ATP2C1: variants seen among roughly 807,000 people sequenced by gnomAD.
The protein encoded by ATP2C1 is ATPase secretory pathway Ca2+ transporting 1.
A neutral mutation model predicts 120.5 loss-of-function variants in ATP2C1; 31 were observed. The ratio of observed to expected loss-of-function variants is 0.26; its 90% confidence interval spans 0.19 to 0.35. ATP2C1 has a LOEUF of 0.35. Among genes scored for constraint, ATP2C1 ranks in the 10% least tolerant of loss-of-function variants. The pLI, the probability that ATP2C1 is intolerant of heterozygous loss-of-function variation, is 1.00. For synonymous variants in ATP2C1, 351 were observed against 358.7 expected, an observed-to-expected ratio of 0.98 and a Z score of 0.24; for missense variants, 731 against 1,107.5, an observed-to-expected ratio of 0.66 and a Z score of 4.83.
At chr3:130,867,296 G>C (rs561548733) in intron 1 of ATP2C1, among the ~76,000 whole-genome samples, 3,253 of 134,882 alleles carry the variant, frequency 0.024, 153 homozygotes, top group African/African-American at 0.088. Flanking sequence ...AGAAATGATT[G>C]TCCCTCTCCC....
At chr3:130,975,559 G>A in intron 18 of ATP2C1, 71 bp downstream of exon 18, 1 of 1,515,870 alleles carries the variant, frequency 6.6e-7, no homozygotes. Context: ...ATGAATTCAT[G>A]CTTCACATTT....
intron 1 of ATP2C1, among the ~76,000 whole-genome samples, chr3:130,863,201 T>C (rs1466558312): frequency 6.6e-6 from 1 of 152,190 alleles, no homozygotes; most frequent in African/African-American, 2.4e-5. Context: ...CCCAAACTCA[T>C]TGAATGAAGT....
intron 16 of ATP2C1, 60 bp downstream of exon 16, chr3:130,967,479 G>A: frequency 2.2e-6 from 3 of 1,386,694 alleles, no homozygotes; most frequent in South Asian, 2.3e-5. Flanking sequence ...ACAGAATGCA[G>A]TGTCATCAAT....
In ATP2C1 at chr3:131,002,067, A is replaced by G; in HGVS notation, c.*717A>G. 1 of 985,666 alleles carries G rather than the reference A, an allele frequency of 1.0e-6. No homozygotes were observed. The highest frequency in any genetic ancestry group is 1.7e-5 in the African/African-American group (1 of 57,360). The allele number at this position is 985,666 out of a possible 1,614,324, so 61.1% of individuals were successfully genotyped here. On this transcript the variant is annotated 3_prime_UTR_variant, in exon 28 of 28. Transcript: ENST00000510168. ...GGTTTGGCAGAATTCATGCAGGGCT[A>G]TCAAGTGGTGTTCTAGGGTAACAGT...
intron 1 of ATP2C1, among the ~76,000 whole-genome samples, chr3:130,859,419 G>A (rs2067946447): frequency 6.6e-6 from 1 of 152,214 alleles, no homozygotes. Flanking sequence ...CTAATCCATA[G>A]TTTGTAAGTT....
In ATP2C1 at chr3:130,997,763, C is replaced by G. The variant is rs1195434847; in HGVS notation, c.2391+10C>G. On this transcript the variant is annotated intron_variant, in intron 25 of 27. Transcript: ENST00000510168. ...TGTCTTCTGGCGTGAGGTATATTCA[C>G]TGGCCAAGCTGCTATATTAACATGA... is the stretch of plus-strand genomic sequence containing the variant. The G allele has an allele frequency of 1.2e-6, 2 of 1,612,700 alleles. No individual in the cohort carries two copies. The highest frequency in any genetic ancestry group is 1.7e-6 in the Non-Finnish European group (2 of 1,179,288).
At chr3:130,882,170 G>A (rs2068804775) in intron 1 of ATP2C1, among the ~76,000 whole-genome samples, 4 of 151,424 alleles carry the variant, frequency 2.6e-5, no homozygotes, top group Admixed American at 2.6e-4. Context: ...CCCATTCAGG[G>A]TAATACTAGC....
intron 2 of ATP2C1, chr3:130,918,347 C>T (rs2058780759): frequency 3.2e-6 from 5 of 1,552,772 alleles, no homozygotes; most frequent in Non-Finnish European, 4.4e-6. Context: ...ATTCAAGACT[C>T]TTCCCACACT....
intron 2 of ATP2C1, among the ~76,000 whole-genome samples, chr3:130,913,599 G>T (rs1213200933): frequency 1.3e-5 from 2 of 152,148 alleles, no homozygotes; most frequent in Non-Finnish European, 2.9e-5. Context: ...AAAATCTGCT[G>T]TATTTATTTA....
chr3:130,965,564 C>T (rs532626352), intron 14 of ATP2C1, among the ~76,000 whole-genome samples: 3 of 152,184 alleles, frequency 2.0e-5, no homozygotes, highest in Non-Finnish European at 4.4e-5. Flanking sequence ...TGTTCTGTCC[C>T]TTATTTTCTC....
chr3:130,855,300 T>C (rs2067801386), intron 1 of ATP2C1, among the ~76,000 whole-genome samples: 1 of 152,228 alleles, frequency 6.6e-6, no homozygotes, highest in Admixed American at 6.5e-5. Flanking sequence ...TTTTGTTTGC[T>C]AGTTTAGTCC....
intron 20 of ATP2C1, among the ~76,000 whole-genome samples, chr3:130,989,668 A>G (rs1444516083): frequency 6.6e-6 from 1 of 151,290 alleles, no homozygotes; most frequent in South Asian, 2.1e-4. Flanking sequence ...CTTTTGCTTC[A>G]ATAAGTTTGT....
At chr3:130,853,823 C>A (rs1486262059) in intron 1 of ATP2C1, among the ~76,000 whole-genome samples, 1 of 152,168 alleles carries the variant, frequency 6.6e-6, no homozygotes, top group East Asian at 1.9e-4. Context: ...CATACTGGAG[C>A]CTGGCAGATA....
At chr3:130,873,705 T>C (rs1225190481) in intron 1 of ATP2C1, among the ~76,000 whole-genome samples, 6 of 152,224 alleles carry the variant, frequency 3.9e-5, no homozygotes, top group African/African-American at 1.4e-4. Context: ...TAAATATTTT[T>C]GCCTAGCTTT....
chr3:130,941,058 G>A (rs1313783437), intron 7 of ATP2C1, among the ~76,000 whole-genome samples: 1 of 151,778 alleles, frequency 6.6e-6, no homozygotes, highest in Non-Finnish European at 1.5e-5. Flanking sequence ...GGGACTACAG[G>A]TGCCTGCCAC....
Position 131,002,827 on chromosome 3 carries a change from C to T in ATP2C1, c.*1477C>T, listed in dbSNP as rs2062953244. On this transcript the variant is annotated 3_prime_UTR_variant, in exon 28 of 28. Transcript: ENST00000510168. ...ATATCTATTCTTTGAGTCATTGTTACTGAGGCAGTTGAGTGTAAGGAGCTG... is the reference window on the plus strand; with the variant it reads ...ATATCTATTCTTTGAGTCATTGTTATTGAGGCAGTTGAGTGTAAGGAGCTG... 2 of 985,708 alleles carry T rather than the reference C, an allele frequency of 2.0e-6. No individual in the cohort carries two copies. Among genetic ancestry groups the T allele is most frequent in the Non-Finnish European group, 2.4e-6 (2 of 829,892 alleles). The allele number at this position is 985,708 out of a possible 1,614,324, so 61.1% of individuals were successfully genotyped here.
Position 131,003,121 on chromosome 3 carries a change from T to G in ATP2C1, c.*1771T>G. 1 of 982,742 alleles carries G rather than the reference T, an allele frequency of 1.0e-6. No individual in the cohort carries two copies. Among genetic ancestry groups the G allele is most frequent in the Non-Finnish European group, 1.2e-6 (1 of 827,070 alleles). 60.9% of individuals were successfully genotyped at this position (982,742 alleles called of 1,614,324 possible). On this transcript the variant is annotated 3_prime_UTR_variant, in exon 28 of 28. Coordinates refer to ENST00000510168, the MANE Select transcript of ATP2C1 (RefSeq NM_001378687.1). ...GCCTATACATTCATTTGCTTTGTAC[T>G]ATAAAAATAAAAATGATTTCTTAAG...
chr3:130,998,365 C>G lies in ATP2C1; in HGVS notation c.2463C>G (p.Phe821Leu). ...CATGCTTTGTGTTTTTTGACATGTT[C>G]AATGCACTAAGTTCCAGATCCCAGG... ...TFTCFVFFDM[F>L]NALSSRSQTK... Residue 821 changes from phenylalanine (F) to leucine (L), a missense_variant, in exon 26 of 28, where the codon TTC (phenylalanine) becomes TTG (leucine). Transcript: ENST00000510168. The G allele has an allele frequency of 6.2e-7, 1 of 1,609,112 alleles. No homozygotes were observed. Among genetic ancestry groups the G allele is most frequent in the Non-Finnish European group, 8.5e-7 (1 of 1,175,482 alleles).
Position 131,002,926 on chromosome 3 carries a change from C to G in ATP2C1, c.*1576C>G, listed in dbSNP as rs1030532986. On this transcript the variant is annotated 3_prime_UTR_variant, in exon 28 of 28. Transcript: ENST00000510168. Reference sequence around the variant, plus strand: ...CATTGTTCCATGTCGTTAGATGGAACATGGAAGCCATTGTCTAATCAACTC... The same window carrying G: ...CATTGTTCCATGTCGTTAGATGGAAGATGGAAGCCATTGTCTAATCAACTC... The G allele has an allele frequency of 2.0e-6, 2 of 985,662 alleles. No individual in the cohort carries two copies. The highest frequency in any genetic ancestry group is 3.5e-5 in the African/African-American group (2 of 57,222). 61.1% of individuals were successfully genotyped at this position (985,662 alleles called of 1,614,324 possible). A position where few individuals can be genotyped will look rare whatever the true frequency, so the allele number is the denominator to read the frequency against.
Sources: allele counts gnomAD v4.1 joint callset (sites outside exome capture counted in the v4.1 genomes callset), GRCh38; gene constraint gnomAD v4.1.1; transcripts MANE v1.5; gene names NCBI Gene and HGNC (gene_info 2026-07-23, HGNC 2026-07-21).